CTR9: variants seen among roughly 807,000 people sequenced by gnomAD.
The protein encoded by CTR9 is CTR9 component of Paf1/RNA polymerase II complex, also known as RNA polymerase-associated protein CTR9 homolog.
CTR9 carries 41 observed loss-of-function variants against 152.1 expected under a neutral mutation model. That is an observed-to-expected ratio of 0.27 (90% CI 0.21 to 0.35). The LOEUF is 0.35. CTR9 is among the 10% of genes least tolerant of loss of function. CTR9 has a pLI of 1.00. For synonymous variants in CTR9, 476 were observed against 496.2 expected (o/e 0.96, Z 0.54); for missense variants, 917 against 1,424.4 (o/e 0.64, Z 5.73).
chr11:10,761,144 C>G (rs188425435), intron 6 of CTR9, among the ~76,000 whole-genome samples: 1 of 152,252 alleles, frequency 6.6e-6, no homozygotes, highest in African/African-American at 2.4e-5. Flanking sequence ...TTAACAGCAT[C>G]CCGGGCCTCT....
intron 16 of CTR9, among the ~76,000 whole-genome samples, chr11:10,769,955 A>T (rs536430262): frequency 6.6e-5 from 10 of 152,354 alleles, no homozygotes; most frequent in African/African-American, 2.4e-4. Flanking sequence ...CCTTTCTTTC[A>T]ATGTTGGTCC....
At chr11:10,775,067 C>G (rs1863209197) in intron 22 of CTR9, 140 bp from the exon 23 acceptor site, 1 of 646,878 alleles carries the variant, frequency 1.5e-6, no homozygotes, top group Admixed American at 2.9e-5. Context: ...TGTCCCCTGC[C>G]CTTGAGGAGT....
Position 10,763,299 on chromosome 11 carries a change from C to T in CTR9, c.850-132C>T, listed in dbSNP as rs902291135. ...ATTGATTAGGTTATAACTGTTATAGCACTGAAAGGCAACTATTTATGAAGA... is the reference window on the plus strand; with the variant it reads ...ATTGATTAGGTTATAACTGTTATAGTACTGAAAGGCAACTATTTATGAAGA... On this transcript the variant is annotated intron_variant, in intron 7 of 24. Coordinates refer to ENST00000361367, the MANE Select transcript of CTR9 (RefSeq NM_014633.5). 8 of 678,158 alleles carry T rather than the reference C, an allele frequency of 1.2e-5. No individual in the cohort carries two copies. The African/African-American group carries it at 1.5e-4, about 12-fold the overall frequency. The allele number at this position is 678,158 out of a possible 1,614,324, so 42.0% of individuals were successfully genotyped here.
In CTR9 at chr11:10,779,395, A is replaced by G. The variant is rs1477435038; in HGVS notation, c.*290A>G. The G allele has an allele frequency of 1.3e-5, 4 of 298,238 alleles. No homozygotes were observed. The highest frequency in any genetic ancestry group is 2.5e-5 in the Non-Finnish European group (4 of 159,392). 18.5% of individuals were successfully genotyped at this position (298,238 alleles called of 1,614,324 possible). A position where few individuals can be genotyped will look rare whatever the true frequency, so the allele number is the denominator to read the frequency against. ...GCTAAATCATTCCTACAAAGGTTTG[A>G]CTGAAACTGTGGCAGATGTCTCATC... On this transcript the variant is annotated 3_prime_UTR_variant, in exon 25 of 25. Transcript: ENST00000361367.
intron 5 of CTR9, among the ~76,000 whole-genome samples, chr11:10,757,854 A>G (rs1427517531): frequency 1.3e-5 from 2 of 152,196 alleles, no homozygotes; most frequent in East Asian, 1.9e-4. Context: ...GAAAAAGGGT[A>G]TGAGAAGCAT....
Position 10,760,301 on chromosome 11 carries a change from C to A in CTR9, c.721C>A (p.Leu241Ile), listed in dbSNP as rs1197653581. 1.9e-6 allele frequency: 3 copies of A among 1,613,822 alleles called. No homozygotes were observed. The highest frequency in any genetic ancestry group is 8.5e-7 in the Non-Finnish European group (1 of 1,179,836). Residue 241 changes from leucine (L) to isoleucine (I), a missense_variant, in exon 6 of 25, where the codon CTA becomes ATA. By Grantham distance (5) the Leu-to-Ile change is conservative. Transcript: ENST00000361367. ...CVGALVGLAV[L>I]ELNNKEADSI... ...GGGAGCATTGGTTGGACTGGCTGTT[C>A]TAGAACTCAACAATAAAGAGGTATG...
At chr11:10,760,530 C>T (rs1337212333) in intron 6 of CTR9, among the ~76,000 whole-genome samples, 2 of 150,948 alleles carry the variant, frequency 1.3e-5, no homozygotes, top group Admixed American at 6.6e-5. Flanking sequence ...AGACTGTTTA[C>T]ACTAGTAGGA....
At chr11:10,777,546 A>T (rs2135387968) in intron 24 of CTR9, among the ~76,000 whole-genome samples, 1 of 152,316 alleles carries the variant, frequency 6.6e-6, no homozygotes, top group South Asian at 2.1e-4. Flanking sequence ...GATCAGTGTA[A>T]TGAAATACGT....
At chr11:10,773,094 G>A (rs184390745) in intron 20 of CTR9, 33 bp from the exon 21 acceptor site, 27 of 1,576,726 alleles carry the variant, frequency 1.7e-5, no homozygotes, top group Non-Finnish European at 2.2e-5. Context: ...AAAATTTGCA[G>A]TGGGGTTTCT....
chr11:10,775,177 CA>C (rs1220190216), intron 22 of CTR9, 29 bp from the exon 23 acceptor site: 6 of 1,567,514 alleles, frequency 3.8e-6, no homozygotes, highest in Non-Finnish European at 5.3e-6. Flanking sequence ...AGGCTCTTGA[CA>C]AACTCTCTCT....
chr11:10,772,539 A>G lies in CTR9; in HGVS notation c.2464A>G (p.Ser822Gly). The stretch of plus-strand genomic sequence containing the variant: ...TTCTAGGCAGTGTTCTGACTTACTG[A>G]GCCAGGCCCAGTACCATGTGGCCCG... ...TEARQCSDLL[S>G]QAQYHVARAR... The change falls in exon 20 of 25, where the codon AGC becomes GGC. Residue 822 changes from serine to glycine, a missense_variant. Ser to Gly is a moderately conservative substitution (Grantham distance 56, BLOSUM62 0). This residue lies in a region of CTR9 where 106 missense variants were observed against 157.8 expected (regional missense o/e 0.67). Transcript: ENST00000361367. 1 of 1,569,514 alleles carries G rather than the reference A, an allele frequency of 6.4e-7. No individual in the cohort carries two copies. Among genetic ancestry groups the G allele is most frequent in the Non-Finnish European group, 8.6e-7 (1 of 1,159,542 alleles).
chr11:10,769,018 C>G (rs1314316164), intron 16 of CTR9, among the ~76,000 whole-genome samples: 2 of 151,994 alleles, frequency 1.3e-5, no homozygotes, highest in Non-Finnish European at 2.9e-5. Context: ...GTCAGGAGTT[C>G]GAGACCAGCC....
Position 10,770,198 on chromosome 11 carries a change from C to A in CTR9, c.2110-12C>A, listed in dbSNP as rs778999378. On this transcript the variant is annotated splice_polypyrimidine_tract_variant and intron_variant, in intron 16 of 24. Transcript: ENST00000361367. ...TTGTTGTGTTTTAATTAACTTTTTT[C>A]TTTTACTGTAGTATGAAAACTGCCT... 18 of 1,556,244 alleles carry A rather than the reference C, an allele frequency of 1.2e-5. No homozygotes were observed. The highest frequency in any genetic ancestry group is 1.5e-5 in the Non-Finnish European group (17 of 1,147,252).
At chr11:10,766,352 T>G in intron 12 of CTR9, 50 bp from the exon 13 acceptor site, 1 of 1,365,970 alleles carries the variant, frequency 7.3e-7, no homozygotes, top group Non-Finnish European at 1.0e-6. Context: ...AAAATTATGA[T>G]CCTTTATAGC....
chr11:10,772,430 G>C, intron 19 of CTR9, 90 bp from the exon 20 acceptor site: 1 of 1,154,604 alleles, frequency 8.7e-7, no homozygotes, highest in Non-Finnish European at 1.1e-6. Flanking sequence ...TCCTGCTTCA[G>C]ATTTTTTAAT....
chr11:10,774,168 A>G lies in CTR9; in HGVS notation c.2884A>G (p.Arg962Gly), dbSNP rs1863192807. ...GGERKKKKRR[R>G]HPKGEEGSDD... is the part of the protein sequence containing the mutation. ...TGAGAGAAAGAAGAAAAAGAGGAGA[A>G]GGTAATGTCATCATTAATGTGCTTT... The change falls in exon 22 of 25, where the codon AGA (arginine) becomes GGA (glycine). Residue 962 changes from arginine to glycine, a missense_variant and splice_region_variant. Arg to Gly is a moderately radical substitution (Grantham distance 125). This residue lies in a region of CTR9 where 384 missense variants were observed against 398.4 expected (regional missense o/e 0.96). Transcript: ENST00000361367. The G allele has an allele frequency of 6.2e-7, 1 of 1,606,822 alleles. No individual in the cohort carries two copies. The highest frequency in any genetic ancestry group is 1.7e-5 in the Admixed American group (1 of 58,366).
rs959504180 is a variant in CTR9 at position 10,763,953 on chromosome 11, T to C, written c.1194+74T>C. 3.0e-6 allele frequency: 4 copies of C among 1,338,108 alleles called. No individual in the cohort carries two copies. The African/African-American group carries it at 5.9e-5, about 20-fold the overall frequency. 82.9% of individuals were successfully genotyped at this position (1,338,108 alleles called of 1,614,324 possible). A position where few individuals can be genotyped will look rare whatever the true frequency, so the allele number is the denominator to read the frequency against. ...AACTCCCATTTCTCATTTCCTGTTA[T>C]TGCTAGTAGAAATATGATAGAAACA... On this transcript the variant is annotated intron_variant, in intron 9 of 24. Transcript: ENST00000361367.
chr11:10,777,108 T>C (rs1284365488), intron 24 of CTR9, among the ~76,000 whole-genome samples: 2 of 152,118 alleles, frequency 1.3e-5, no homozygotes, highest in Non-Finnish European at 2.9e-5. Context: ...GATGTTTTTT[T>C]CTAAAAGAAA....
At chr11:10,761,720 C>T (rs891798691) in intron 6 of CTR9, among the ~76,000 whole-genome samples, 3 of 151,306 alleles carry the variant, frequency 2.0e-5, no homozygotes, top group Non-Finnish European at 4.4e-5. Flanking sequence ...AAGAACTGAA[C>T]AAGAAAATAA....
Sources: allele counts gnomAD v4.1 joint callset (sites outside exome capture counted in the v4.1 genomes callset), GRCh38; gene constraint gnomAD v4.1.1; regional missense constraint gnomAD v4.1.1; transcripts MANE v1.5; gene names NCBI Gene and HGNC (gene_info 2026-07-23, HGNC 2026-07-21).